HIVEP3: variants seen among roughly 807,000 people sequenced by gnomAD.
HIVEP3 encodes transcription factor HIVEP3.
Under a neutral mutation model 152.8 loss-of-function variants are expected in HIVEP3, and 49 were observed. That is an observed-to-expected ratio of 0.32 (90% confidence interval 0.26 to 0.41). The LOEUF is 0.41. Ranked by LOEUF, HIVEP3 falls within the 10% of genes least tolerant of loss-of-function variation. The pLI, the probability that HIVEP3 is intolerant of heterozygous loss-of-function variation, is 1.00. For missense variants in HIVEP3, 2,790 were observed against 3,103.3 expected (o/e 0.90, Z 2.40); for synonymous variants, 1,269 against 1,289.0 (o/e 0.98, Z 0.33).
At chr1:41,568,107 C>G (rs776565823) in intron 5 of HIVEP3, among the ~76,000 whole-genome samples, 1 of 152,208 alleles carries the variant, frequency 6.6e-6, no homozygotes, top group Non-Finnish European at 1.5e-5. Context: ...ACTGGGGACA[C>G]AGCAATGAAC....
chr1:41,704,411 A>G (rs1646405108), intron 1 of HIVEP3, among the ~76,000 whole-genome samples: 1 of 152,234 alleles, frequency 6.6e-6, no homozygotes, highest in Non-Finnish European at 1.5e-5. Flanking sequence ...CTCCTGGGAA[A>G]GGTGGTCTCC....
At chr1:41,900,757 G>A (rs1644607524) in intron 1 of HIVEP3, among the ~76,000 whole-genome samples, 1 of 152,176 alleles carries the variant, frequency 6.6e-6, no homozygotes, top group Non-Finnish European at 1.5e-5. Flanking sequence ...AAAAGGAAAT[G>A]TGTGTGGAAA....
intron 2 of HIVEP3, among the ~76,000 whole-genome samples, chr1:41,650,576 T>C (rs1645533331): frequency 6.6e-6 from 1 of 151,326 alleles, no homozygotes; most frequent in Admixed American, 6.6e-5. Context: ...TTTTTTTTTT[T>C]TTAATGAAGA....
At chr1:41,809,070 A>G (rs765989426) in intron 1 of HIVEP3, among the ~76,000 whole-genome samples, 12 of 152,202 alleles carry the variant, frequency 7.9e-5, no homozygotes, top group Non-Finnish European at 1.8e-4. Context: ...CTGCCTCTGG[A>G]CACCAGGCTC....
rs1261963811 is a variant in HIVEP3, at chr1:41,629,619, C to T, written c.-720-672G>A. On this transcript the variant is annotated intron_variant, in intron 2 of 8. Coordinates refer to ENST00000372583, the MANE Select transcript of HIVEP3 (RefSeq NM_024503.5). ...CCCATTAAAAAGTAGGCAAAGGACA[C>T]GAATAGACACTTCTCAAAACAAGAC... Among the ~76,000 whole-genome samples, 8 of 152,062 alleles carry T rather than the reference C, an allele frequency of 5.3e-5. No individual in the cohort carries two copies. In the East Asian group the frequency reaches 1.3e-3, roughly 26 times the overall value.
intron 2 of HIVEP3, among the ~76,000 whole-genome samples, chr1:41,639,717 G>A (rs547730506): frequency 3.3e-5 from 5 of 152,136 alleles, no homozygotes; most frequent in Admixed American, 6.5e-5. Flanking sequence ...AGCGGAGTGC[G>A]CTCTAGTCTG....
intron 1 of HIVEP3, among the ~76,000 whole-genome samples, chr1:42,008,919 T>A (rs561065122): frequency 6.6e-6 from 1 of 152,244 alleles, no homozygotes; most frequent in Non-Finnish European, 1.5e-5. Flanking sequence ...CTTCCAGGAG[T>A]TCTGAATAAA....
chr1:41,988,901 A>G (rs1255712411), intron 1 of HIVEP3, among the ~76,000 whole-genome samples: 1 of 152,280 alleles, frequency 6.6e-6, no homozygotes, highest in Non-Finnish European at 1.5e-5. Context: ...AAATAAGGAA[A>G]TCCTATCATT....
At position 41,580,313 on chromosome 1, in the gene HIVEP3, C is replaced by T. The variant is rs1416563558; in HGVS notation, c.4485G>A (p.Glu1495=). 6 of 1,614,054 alleles carry T rather than the reference C, an allele frequency of 3.7e-6. No homozygotes were observed. The East Asian group carries it at 1.3e-4, about 36-fold the overall frequency. The part of the protein sequence containing the change: ...HLGNQGQGRR[E]LEMLSSLSSD... ...AGGACAGGCTGGACAGCATTTCTAG[C>T]TCCCTCCTGCCTTGGCCCTGGTTGC... The change falls in exon 4 of 9, where the codon GAG becomes GAA. Residue 1495 remains glutamate, a synonymous_variant. Coordinates refer to ENST00000372583, the MANE Select transcript of HIVEP3 (RefSeq NM_024503.5).
Position 41,513,083 on chromosome 1 carries a change from G to C in HIVEP3, c.6138C>G (p.Ala2046=). The stretch of plus-strand genomic sequence containing the variant: ...GTTTGGAGAGCACATGTGCTCGAGG[G>C]GCCAGTTCTCTTCCCAGGGGGCAGA... ...LTLCPLGREL[A]PRAHVLSKLE... is the part of the protein sequence containing the mutation. Residue 2046 remains alanine (A), a synonymous_variant, in exon 8 of 9, where the codon GCC becomes GCG. Transcript: ENST00000372583. The C allele has an allele frequency of 6.2e-7, 1 of 1,613,918 alleles. No individual in the cohort carries two copies. Among genetic ancestry groups the C allele is most frequent in the East Asian group, 2.2e-5 (1 of 44,876 alleles).
At chr1:41,789,208 G>A (rs1368919644) in intron 1 of HIVEP3, among the ~76,000 whole-genome samples, 1 of 152,186 alleles carries the variant, frequency 6.6e-6, no homozygotes, top group Non-Finnish European at 1.5e-5. Context: ...GAGCCAAAGT[G>A]GGGAGCACTT....
intron 1 of HIVEP3, among the ~76,000 whole-genome samples, chr1:41,791,510 G>A (rs573836643): frequency 1.5e-3 from 235 of 152,248 alleles, no homozygotes; most frequent in African/African-American, 5.3e-3. Flanking sequence ...TATAATGGAT[G>A]TGATGGCTGG....
At chr1:41,696,625 C>T (rs910508602) in intron 2 of HIVEP3, among the ~76,000 whole-genome samples, 5 of 152,254 alleles carry the variant, frequency 3.3e-5, no homozygotes, top group Non-Finnish European at 5.9e-5. Context: ...AGATGGGCAC[C>T]AAACAGCTGT....
Position 41,885,372 on chromosome 1 carries a change from GA to G in HIVEP3, c.-801+33040del, listed in dbSNP as rs774817790. On this transcript the variant is annotated intron_variant, in intron 1 of 8. Coordinates refer to ENST00000372583, the MANE Select transcript of HIVEP3 (RefSeq NM_024503.5). ...CACTGTACTCGAAGTAGATGGCTAG[GA>G]AAAAAAAAAGGGCCAGTCACAGTGG... is the stretch of plus-strand genomic sequence containing the variant. Among the ~76,000 whole-genome samples the G allele has an allele frequency of 2.6e-4, 39 of 147,980 alleles. No individual in the cohort carries two copies. In the East Asian group the frequency reaches 4.9e-3, roughly 19 times the overall value.
intron 1 of HIVEP3, among the ~76,000 whole-genome samples, chr1:41,989,226 C>T (rs1645342299): frequency 1.3e-5 from 2 of 152,014 alleles, no homozygotes; most frequent in Non-Finnish European, 2.9e-5. Context: ...GCTCTCACCA[C>T]AAAACAAATG....
intron 1 of HIVEP3, among the ~76,000 whole-genome samples, chr1:41,837,635 G>A (rs1222094187): frequency 6.6e-6 from 1 of 152,156 alleles, no homozygotes; most frequent in Non-Finnish European, 1.5e-5. Context: ...CTGCTCTTTT[G>A]TCTTCTTCAT....
At chr1:41,882,834 C>T (rs889071058) in intron 1 of HIVEP3, among the ~76,000 whole-genome samples, 2 of 152,158 alleles carry the variant, frequency 1.3e-5, no homozygotes, top group Non-Finnish European at 2.9e-5. Context: ...CTTGCTAAAT[C>T]CTTGCTGTTA....
intron 1 of HIVEP3, among the ~76,000 whole-genome samples, chr1:41,915,571 T>G (rs1177577720): frequency 1.3e-5 from 2 of 152,194 alleles, no homozygotes; most frequent in African/African-American, 2.4e-5. Context: ...TGATCAAAAT[T>G]CATAAACTGT....
intron 6 of HIVEP3, among the ~76,000 whole-genome samples, chr1:41,520,217 C>G (rs1024694985): frequency 1.3e-5 from 2 of 152,032 alleles, no homozygotes; most frequent in African/African-American, 4.8e-5. Flanking sequence ...AATGGGGGAC[C>G]CTTAAGCTGG....
Sources: gnomAD v4.1 joint callset for allele counts (sites outside exome capture counted in the v4.1 genomes callset) on GRCh38, gnomAD v4.1.1 for gene constraint, MANE v1.5 for transcripts, NCBI Gene and HGNC (gene_info 2026-07-23, HGNC 2026-07-21) for gene names.